OR9I1: variants seen among roughly 807,000 people sequenced by gnomAD.
OR9I1 encodes the protein olfactory receptor 9I1.
In OR9I1, 7 loss-of-function variants were observed where a neutral mutation model predicts 11.2. The ratio of observed to expected loss-of-function variants is 0.62; its 90% CI spans 0.36 to 1.17. OR9I1 has a LOEUF of 1.17. Among genes scored for constraint, OR9I1 ranks in the 50% most tolerant of loss-of-function variants. The probability of loss-of-function intolerance (pLI) is 0.02; values close to 1 mark genes in which losing one functional copy is unlikely to be tolerated. For synonymous variants in OR9I1, 165 were observed against 153.4 expected, an observed-to-expected ratio of 1.08 and a Z score of -0.56; for missense variants, 428 against 377.2, an observed-to-expected ratio of 1.13 and a Z score of -1.12.
At position 58,118,299 on chromosome 11, in the gene OR9I1, G is replaced by C; in HGVS notation, c.*201C>G. 1 of 516,122 alleles carries C rather than the reference G, an allele frequency of 1.9e-6. No homozygotes were observed. The highest frequency in any genetic ancestry group is 3.1e-5 in the South Asian group (1 of 32,134). The allele number at this position is 516,122 out of a possible 1,614,324, so 32.0% of individuals were successfully genotyped here. ...CAGTGCTAAGGAATGGATTGAAAGT[G>C]GAAGAAGGGGATAAGAAGAAAGAAC... On this transcript the variant is annotated 3_prime_UTR_variant, in exon 3 of 3. Transcript: ENST00000641439.
chr11:58,118,201 A>C lies in OR9I1; in HGVS notation c.*299T>G. On this transcript the variant is annotated 3_prime_UTR_variant, in exon 3 of 3. Coordinates refer to ENST00000641439, the MANE Select transcript of OR9I1 (RefSeq NM_001005211.2). ...TGAGTTGAGAGAGTATTGGGTTGGA[A>C]TGAAATAAACTCAAGACTCCTGGGA... 1 of 230,666 alleles carries C rather than the reference A, an allele frequency of 4.3e-6. No homozygotes were observed. The highest frequency in any genetic ancestry group is 8.9e-5 in the East Asian group (1 of 11,244). The allele number at this position is 230,666 out of a possible 1,614,324, so 14.3% of individuals were successfully genotyped here. A position where few individuals can be genotyped will look rare whatever the true frequency, so the allele number is the denominator to read the frequency against.
Position 58,119,428 on chromosome 11 carries a change from A to G in OR9I1, c.17T>C (p.Leu6Pro). 1 of 1,607,462 alleles carries G rather than the reference A, an allele frequency of 6.2e-7. No homozygotes were observed. The highest frequency in any genetic ancestry group is 8.5e-7 in the Non-Finnish European group (1 of 1,175,876). ...GAGAATGAATTCGGTTACTCTGGTGAGATTATTCTTGGCCATGGAGACAAT... is the reference window on the plus strand; with the variant it reads ...GAGAATGAATTCGGTTACTCTGGTGGGATTATTCTTGGCCATGGAGACAAT... MAKNN[L>P]TRVTEFILMG... The change falls in exon 3 of 3, where the codon CTC (leucine) becomes CCC (proline). Residue 6 changes from leucine to proline, a missense_variant. Transcript: ENST00000641439.
Position 58,116,907 on chromosome 11 carries a change from A to G in OR9I1, c.*1593T>C, listed in dbSNP as rs986862571. 3 of 152,272 alleles carry G rather than the reference A, an allele frequency of 2.0e-5. No homozygotes were observed. Among genetic ancestry groups the G allele is most frequent in the Non-Finnish European group, 4.4e-5 (3 of 68,054 alleles). 9.4% of individuals were successfully genotyped at this position (152,272 alleles called of 1,614,324 possible). A position where few individuals can be genotyped will look rare whatever the true frequency, so the allele number is the denominator to read the frequency against. On this transcript the variant is annotated 3_prime_UTR_variant, in exon 3 of 3. Transcript: ENST00000641439. ...TAAAATAACATATTCACTTACAAATACATCCTTTTATTATTCTTGACTATG... is the reference window on the plus strand; with the variant it reads ...TAAAATAACATATTCACTTACAAATGCATCCTTTTATTATTCTTGACTATG...
Position 58,119,149 on chromosome 11 carries a change from G to A in OR9I1, c.296C>T (p.Ala99Val), listed in dbSNP as rs1853996352. Residue 99 changes from alanine (A) to valine (V), a missense_variant, in exon 3 of 3, where the codon GCC becomes GTC. Transcript: ENST00000641439. ...ACAGATGGTGAATAAAAAGAACTGG[G>A]CAGCACAGTGGCCGTAGGAGATGAC... is the stretch of plus-strand genomic sequence containing the variant. The part of the protein sequence containing the change: ...KTVISYGHCA[A>V]QFFLFTICAG... 6.2e-7 allele frequency: 1 copy of A among 1,614,022 alleles called. No individual in the cohort carries two copies.
chr11:58,121,389 C>T (rs1234550400), intron 2 of OR9I1, among the ~76,000 whole-genome samples: 2 of 152,064 alleles, frequency 1.3e-5, no homozygotes, highest in Non-Finnish European at 2.9e-5. Context: ...GTTCCCATCT[C>T]TTTTTTTTCC....
intron 2 of OR9I1, among the ~76,000 whole-genome samples, chr11:58,123,832 G>A (rs1854061005): frequency 6.6e-6 from 1 of 152,126 alleles, no homozygotes; most frequent in Non-Finnish European, 1.5e-5. Context: ...ACTTCTGTGG[G>A]CATCAAGTAT....
intron 2 of OR9I1, among the ~76,000 whole-genome samples, chr11:58,121,037 C>T (rs1437397374): frequency 6.6e-6 from 1 of 151,912 alleles, no homozygotes; most frequent in East Asian, 1.9e-4. Context: ...TTGTGTTTCT[C>T]TATTATGACT....
chr11:58,118,770 AATGGTCTTG>A lies in OR9I1; in HGVS notation c.666_674del (p.Lys223_Ile225del), dbSNP rs1174516119. 6.2e-7 allele frequency: 1 copy of A among 1,613,936 alleles called. No homozygotes were observed. The highest frequency in any genetic ancestry group is 1.3e-5 in the African/African-American group (1 of 74,924). On this transcript the variant is annotated inframe_deletion, in exon 3 of 3. Transcript: ENST00000641439. ...TGCCACCTGAAGACTTCACTTTCAA[AATGGTCTTG>A]ATGATGAGCAGATAGGAAATCAGGA...
In OR9I1 at chr11:58,119,484, A is replaced by G. The variant is rs1268235243; in HGVS notation, c.-22-18T>C. On this transcript the variant is annotated intron_variant, in intron 2 of 2. Transcript: ENST00000641439. ...CTGTTGGTCTGAGGATGATAATGAA[A>G]TAAAAAGAATCTCAGAATTGAAGGA... 1 of 1,276,878 alleles carries G rather than the reference A, an allele frequency of 7.8e-7. No homozygotes were observed. Among genetic ancestry groups the G allele is most frequent in the Non-Finnish European group, 1.1e-6 (1 of 912,864 alleles). The allele number at this position is 1,276,878 out of a possible 1,614,324, so 79.1% of individuals were successfully genotyped here.
In OR9I1 at chr11:58,125,476, C is replaced by T. The variant is rs1313168659; in HGVS notation, c.-427G>A. 1.3e-5 allele frequency: 2 copies of T among 152,148 alleles called. No homozygotes were observed. The highest frequency in any genetic ancestry group is 2.9e-5 in the Non-Finnish European group (2 of 68,020). 9.4% of individuals were successfully genotyped at this position (152,148 alleles called of 1,614,324 possible). ...GATTTATCTTGGCCTTGTAGTCAAGCTAAGCTAAGGTTGTTTAAGCATTTT... is the reference window on the plus strand; with the variant it reads ...GATTTATCTTGGCCTTGTAGTCAAGTTAAGCTAAGGTTGTTTAAGCATTTT... On this transcript the variant is annotated 5_prime_UTR_variant, in exon 1 of 3. Transcript: ENST00000641439.
chr11:58,121,744 A>G (rs1251333686), intron 2 of OR9I1, among the ~76,000 whole-genome samples: 2 of 152,166 alleles, frequency 1.3e-5, no homozygotes, highest in African/African-American at 2.4e-5. Context: ...ACAACTGGGA[A>G]TTTTCTTTGC....
Position 58,118,839 on chromosome 11 carries a change from A to G in OR9I1, c.606T>C (p.Phe202=), listed in dbSNP as rs778643663. 2 of 1,613,952 alleles carry G rather than the reference A, an allele frequency of 1.2e-6. No homozygotes were observed. Among genetic ancestry groups the G allele is most frequent in the Admixed American group, 1.7e-5 (1 of 60,010 alleles). ...CATTGGCCAAAATCACAAAATTGCC[A>G]AAGAAGATGATGACAATCTCGATGT... The part of the protein sequence containing the change: ...TANIEIVIIF[F]GNFVILANAS... Residue 202 remains phenylalanine (F), a synonymous_variant, in exon 3 of 3, where the codon TTT becomes TTC. Transcript: ENST00000641439.
At position 58,117,366 on chromosome 11, in the gene OR9I1, C is replaced by A. The variant is rs1330067482; in HGVS notation, c.*1134G>T. The A allele has an allele frequency of 6.6e-6, 1 of 152,100 alleles. No individual in the cohort carries two copies. The allele number at this position is 152,100 out of a possible 1,614,324, so 9.4% of individuals were successfully genotyped here. On this transcript the variant is annotated 3_prime_UTR_variant, in exon 3 of 3. Transcript: ENST00000641439. ...CATCCCTTGTCTACTGCTGTATACT[C>A]CGAGTACTCTTTGACTCATGAGGAA...
intron 2 of OR9I1, among the ~76,000 whole-genome samples, chr11:58,123,901 A>G (rs569816479): frequency 1.3e-5 from 2 of 152,252 alleles, no homozygotes; most frequent in Non-Finnish European, 1.5e-5. Context: ...CTTTCTTTAT[A>G]ACTTGAGAGA....
In OR9I1 at chr11:58,118,689, A is replaced by C. The variant is rs1208984447; in HGVS notation, c.756T>G (p.Phe252Leu). 2 of 1,614,098 alleles carry C rather than the reference A, an allele frequency of 1.2e-6. No individual in the cohort carries two copies. The highest frequency in any genetic ancestry group is 2.7e-5 in the African/African-American group (2 of 75,058). The change falls in exon 3 of 3, where the codon TTT (phenylalanine) becomes TTG (leucine). Residue 252 changes from phenylalanine (F) to leucine (L), a missense_variant. Phe to Leu is a conservative substitution (Grantham distance 22, BLOSUM62 0). Coordinates refer to ENST00000641439, the MANE Select transcript of OR9I1 (RefSeq NM_001005211.2). ...GCAGATACATGAAGATAAGGGCTCCAAAGAAAAGGGCCACAGCAGTGATGT... is the reference window on the plus strand; with the variant it reads ...GCAGATACATGAAGATAAGGGCTCCCAAGAAAAGGGCCACAGCAGTGATGT... ...ASHITAVALF[F>L]GALIFMYLQS...
intron 1 of OR9I1, among the ~76,000 whole-genome samples, 190 bp from the exon 2 acceptor site, chr11:58,124,829 C>A (rs1321562275): frequency 3.3e-5 from 5 of 152,196 alleles, no homozygotes; most frequent in South Asian, 2.1e-4. Context: ...CTAATCCTGG[C>A]AACCATTTAT....
Position 58,119,109 on chromosome 11 carries a change from G to T in OR9I1, c.336C>A (p.Cys112Ter), listed in dbSNP as rs1415691042. ...CATAGGCCATCACTGCCAGCAGAAA[G>T]CACTCTGTGCCTGCACAGATGGTGA... The part of the protein sequence containing the change: ...FLFTICAGTE[C>*]FLLAVMAYDR... The change falls in exon 3 of 3, where the codon TGC becomes TGA. Residue 112 changes from cysteine (C) to a stop codon, truncating the protein, a stop_gained. Coordinates refer to ENST00000641439, the MANE Select transcript of OR9I1 (RefSeq NM_001005211.2). LOFTEE classifies it high-confidence loss of function. 6.2e-7 allele frequency: 1 copy of T among 1,613,820 alleles called. No homozygotes were observed. Among genetic ancestry groups the T allele is most frequent in the African/African-American group, 1.3e-5 (1 of 74,928 alleles).
At chr11:58,120,294 GTT>G (rs1346688383) in intron 2 of OR9I1, among the ~76,000 whole-genome samples, 1 of 152,052 alleles carries the variant, frequency 6.6e-6, no homozygotes, top group Non-Finnish European at 1.5e-5. Flanking sequence ...TAAAATCAAA[GTT>G]GGGTAGAGTT....
At position 58,119,058 on chromosome 11, in the gene OR9I1, T is replaced by G; in HGVS notation, c.387A>C (p.Pro129=). 6.2e-7 allele frequency: 1 copy of G among 1,613,878 alleles called. No homozygotes were observed. The highest frequency in any genetic ancestry group is 8.5e-7 in the Non-Finnish European group (1 of 1,179,958). ...GATTCATGGCCACGGTATAGAGCAGTGGGTTGCGAATGGCAGCATAGCGAT... is the reference window on the plus strand; with the variant it reads ...GATTCATGGCCACGGTATAGAGCAGGGGGTTGCGAATGGCAGCATAGCGAT... ...AYDRYAAIRN[P]LLYTVAMNPR... is the part of the protein sequence containing the mutation. Residue 129 remains proline, a synonymous_variant, in exon 3 of 3, where the codon CCA becomes CCC. Coordinates refer to ENST00000641439, the MANE Select transcript of OR9I1 (RefSeq NM_001005211.2).
Sources: allele counts gnomAD v4.1 joint callset (sites outside exome capture counted in the v4.1 genomes callset), GRCh38; gene constraint gnomAD v4.1.1; transcripts MANE v1.5; gene names NCBI Gene and HGNC (gene_info 2026-07-23, HGNC 2026-07-21).